Variants in RAB21 observed in about 807,000 individuals in gnomAD.
The protein encoded by RAB21 is ras-related protein Rab-21.
Under a neutral mutation model 33.1 loss-of-function variants are expected in RAB21, and 13 were observed. The ratio of observed to expected loss-of-function variants is 0.39; its 90% CI spans 0.26 to 0.62. The LOEUF (loss-of-function observed/expected upper bound fraction) is 0.62. Among genes scored for constraint, RAB21 ranks in the 20% least tolerant of loss-of-function variants. The pLI is 0.48. For missense variants in RAB21, 234 were observed against 279.1 expected, an observed-to-expected ratio of 0.84 and a Z score of 1.15; for synonymous variants, 91 against 103.7, an observed-to-expected ratio of 0.88 and a Z score of 0.74.
At chr12:71,767,491 G>T (rs1165386999) in intron 1 of RAB21, among the ~76,000 whole-genome samples, 5 of 151,792 alleles carry the variant, frequency 3.3e-5, no homozygotes, top group Admixed American at 1.3e-4. Context: ...TTGTTGTGGG[G>T]TTTTTTTTGT....
intron 5 of RAB21, 81 bp from the exon 6 acceptor site, chr12:71,782,489 A>C (rs1181755339): frequency 3.2e-6 from 3 of 929,950 alleles, no homozygotes; most frequent in Non-Finnish European, 4.9e-6. Context: ...TATGTCACTA[A>C]AACTGTTACT....
At chr12:71,762,927 G>T (rs1882899673) in intron 1 of RAB21, among the ~76,000 whole-genome samples, 1 of 151,982 alleles carries the variant, frequency 6.6e-6, no homozygotes, top group Admixed American at 6.6e-5. Flanking sequence ...GCTAGAGAGG[G>T]CTAATTTTAT....
At position 71,798,351 on chromosome 12, in the gene RAB21, C is replaced by T. The variant is rs1883492633; in HGVS notation, c.*12678C>T. The T allele has an allele frequency of 2.0e-5, 3 of 152,226 alleles. No homozygotes were observed. Among genetic ancestry groups the T allele is most frequent in the Admixed American group, 6.5e-5 (1 of 15,300 alleles). The allele number at this position is 152,226 out of a possible 1,614,324, so 9.4% of individuals were successfully genotyped here. A position where few individuals can be genotyped will look rare whatever the true frequency, so the allele number is the denominator to read the frequency against. The stretch of plus-strand genomic sequence containing the variant: ...CTGCCCACCTCGACCTGCCAAAGTG[C>T]TGGGATTATAGGTGTGAGGCACCAT... On this transcript the variant is annotated 3_prime_UTR_variant, in exon 7 of 7. Coordinates refer to ENST00000261263, the MANE Select transcript of RAB21 (RefSeq NM_014999.4).
At chr12:71,756,345 C>T (rs1449773128) in intron 1 of RAB21, among the ~76,000 whole-genome samples, 1 of 152,178 alleles carries the variant, frequency 6.6e-6, no homozygotes, top group Non-Finnish European at 1.5e-5. Flanking sequence ...CACTGATGAC[C>T]TGGTCCAGTG....
rs1883435502 is a variant in RAB21, at chr12:71,794,427, A to ATATATATATATTT, written c.*8755_*8756insATATATATATTTT. ...ATATTATATATATATATATATATAT[A>ATATATATATATTT]TTTTTTTTTTTTTTTTTTTTTTTTT... On this transcript the variant is annotated 3_prime_UTR_variant, in exon 7 of 7. Coordinates refer to ENST00000261263, the MANE Select transcript of RAB21 (RefSeq NM_014999.4). 3.6e-5 allele frequency: 1 copy of ATATATATATATTT among 27,964 alleles called. No homozygotes were observed. Among genetic ancestry groups the ATATATATATATTT allele is most frequent in the African/African-American group, 1.3e-4 (1 of 7,894 alleles). The allele number at this position is 27,964 out of a possible 1,614,324, so 1.7% of individuals were successfully genotyped here. A position where few individuals can be genotyped will look rare whatever the true frequency, so the allele number is the denominator to read the frequency against.
At chr12:71,769,135 A>T (rs1883003749) in intron 1 of RAB21, among the ~76,000 whole-genome samples, 1 of 152,116 alleles carries the variant, frequency 6.6e-6, no homozygotes, top group South Asian at 2.1e-4. Flanking sequence ...CCTAAAGGGG[A>T]GATCATTACC....
At position 71,785,537 on chromosome 12, in the gene RAB21, T is replaced by A; in HGVS notation, c.542T>A (p.Ile181Lys). The A allele has an allele frequency of 6.2e-7, 1 of 1,613,964 alleles. No individual in the cohort carries two copies. Among genetic ancestry groups the A allele is most frequent in the Non-Finnish European group, 8.5e-7 (1 of 1,179,878 alleles). Residue 181 changes from isoleucine (I) to lysine (K), a missense_variant, in exon 7 of 7, where the codon ATA becomes AAA. Ile to Lys is a moderately radical substitution (Grantham distance 102). Coordinates refer to ENST00000261263, the MANE Select transcript of RAB21 (RefSeq NM_014999.4). ...ELFLDLCKRMIETAQVDERAK... is the reference protein window; with the variant it reads ...ELFLDLCKRMKETAQVDERAK... ...TGCTTTCTCTCTGTCTTAGGGATGA[T>A]AGAAACAGCACAAGTGGATGAGAGA... is the stretch of plus-strand genomic sequence containing the variant.
intron 4 of RAB21, among the ~76,000 whole-genome samples, chr12:71,774,913 G>C (rs762705668): frequency 8.6e-5 from 13 of 151,498 alleles, no homozygotes; most frequent in Non-Finnish European, 1.3e-4. Flanking sequence ...TTCACTGTAT[G>C]ATTTTGCTTA....
Position 71,798,829 on chromosome 12 carries a change from T to G in RAB21, c.*13156T>G, listed in dbSNP as rs1453370741. ...GGATGACAGTGAATTCTGAATTTAT[T>G]TACCCAATGTACTCTTCAAGTTGCA... On this transcript the variant is annotated 3_prime_UTR_variant, in exon 7 of 7. Coordinates refer to ENST00000261263, the MANE Select transcript of RAB21 (RefSeq NM_014999.4). The G allele has an allele frequency of 6.6e-6, 1 of 152,208 alleles. No homozygotes were observed. The highest frequency in any genetic ancestry group is 1.9e-4 in the East Asian group (1 of 5,192). 9.4% of individuals were successfully genotyped at this position (152,208 alleles called of 1,614,324 possible).
Position 71,788,472 on chromosome 12 carries a change from T to C in RAB21, c.*2799T>C, listed in dbSNP as rs1206434290. On this transcript the variant is annotated 3_prime_UTR_variant, in exon 7 of 7. Coordinates refer to ENST00000261263, the MANE Select transcript of RAB21 (RefSeq NM_014999.4). ...AAAAGGTCTTTGGGTAGGAATAGAG[T>C]AATGAAAGAGGACCAGTCAACTTCA... The C allele has an allele frequency of 6.6e-6, 1 of 152,038 alleles. No homozygotes were observed. The highest frequency in any genetic ancestry group is 1.5e-5 in the Non-Finnish European group (1 of 68,004). 9.4% of individuals were successfully genotyped at this position (152,038 alleles called of 1,614,324 possible). A position where few individuals can be genotyped will look rare whatever the true frequency, so the allele number is the denominator to read the frequency against.
chr12:71,782,402 T>G, intron 5 of RAB21, 168 bp from the exon 6 acceptor site: 1 of 526,462 alleles, frequency 1.9e-6, no homozygotes, highest in South Asian at 3.8e-5. Context: ...ATATTTGTGT[T>G]ATTTAAAATT....
At chr12:71,762,285 A>AGGTTTGGTTT (rs1253604385) in intron 1 of RAB21, among the ~76,000 whole-genome samples, 21 of 146,204 alleles carry the variant, frequency 1.4e-4, no homozygotes, top group East Asian at 1.2e-3. Flanking sequence ...CACCTAGCTT[A>AGGTTTGGTTT]GGTTTTGTTT....
intron 3 of RAB21, among the ~76,000 whole-genome samples, chr12:71,772,986 C>A (rs924274836): frequency 3.9e-5 from 6 of 152,128 alleles, no homozygotes; most frequent in Non-Finnish European, 8.8e-5. Context: ...TAAGTGGTTA[C>A]CACATAGCTA....
intron 1 of RAB21, among the ~76,000 whole-genome samples, chr12:71,769,206 A>G (rs1161342062): frequency 1.3e-5 from 2 of 152,184 alleles, no homozygotes; most frequent in Admixed American, 6.5e-5. Context: ...TCTCAGTACT[A>G]TCTTTACAGT....
At chr12:71,780,652 G>A (rs572915767) in intron 4 of RAB21, among the ~76,000 whole-genome samples, 1 of 152,280 alleles carries the variant, frequency 6.6e-6, no homozygotes, top group African/African-American at 2.4e-5. Flanking sequence ...TTAGGCTATG[G>A]TGGCAGATAG....
At chr12:71,758,553 C>T (rs1223666833) in intron 1 of RAB21, among the ~76,000 whole-genome samples, 1 of 151,432 alleles carries the variant, frequency 6.6e-6, no homozygotes. Context: ...GATATCATAG[C>T]TGCCTGCAGC....
In RAB21 at chr12:71,790,026, C is replaced by T. The variant is rs1883356559; in HGVS notation, c.*4353C>T. ...TGATAGACCTTTAGCAGTTCTTGTG[C>T]TATCTAGGATTTATACATTTTTGCT... On this transcript the variant is annotated 3_prime_UTR_variant, in exon 7 of 7. Coordinates refer to ENST00000261263, the MANE Select transcript of RAB21 (RefSeq NM_014999.4). The T allele has an allele frequency of 6.6e-6, 1 of 152,128 alleles. No homozygotes were observed. The highest frequency in any genetic ancestry group is 1.5e-5 in the Non-Finnish European group (1 of 68,000). The allele number at this position is 152,128 out of a possible 1,614,324, so 9.4% of individuals were successfully genotyped here.
intron 4 of RAB21, 62 bp downstream of exon 4, chr12:71,774,084 A>G: frequency 8.6e-7 from 1 of 1,158,880 alleles, no homozygotes; most frequent in Non-Finnish European, 1.2e-6. Flanking sequence ...TTTATTGAAG[A>G]CAAGTAATTT....
At chr12:71,762,768 G>C (rs1882896548) in intron 1 of RAB21, among the ~76,000 whole-genome samples, 1 of 152,052 alleles carries the variant, frequency 6.6e-6, no homozygotes, top group Non-Finnish European at 1.5e-5. Context: ...TTTTAGTAGA[G>C]ATGGGGTTTC....
Sources: allele counts gnomAD v4.1 joint callset (sites outside exome capture counted in the v4.1 genomes callset), GRCh38; gene constraint gnomAD v4.1.1; transcripts MANE v1.5; gene names NCBI Gene and HGNC (gene_info 2026-07-23, HGNC 2026-07-21).